Variants in PRR5 observed in about 807,000 individuals in gnomAD.
PRR5 encodes proline rich 5.
In PRR5, 25 loss-of-function variants were observed where a neutral mutation model predicts 30.6. The observed-to-expected ratio is 0.82, with a 90% CI of 0.60 to 1.14. The LOEUF (loss-of-function observed/expected upper bound fraction) is 1.14, where lower values mean the gene tolerates loss of function less well. Ranked by LOEUF, PRR5 falls within the 50% of genes most tolerant of loss-of-function variation. The probability of loss-of-function intolerance (pLI) is 0.00; values close to 1 mark genes in which losing one functional copy is unlikely to be tolerated. For synonymous variants in PRR5, 286 were observed against 247.1 expected, an observed-to-expected ratio of 1.16 and a Z score of -1.48; for missense variants, 600 against 547.1, an observed-to-expected ratio of 1.10 and a Z score of -0.96.
Position 44,696,335 on chromosome 22 carries a change from C to T in PRR5, c.-10-6157C>T, listed in dbSNP as rs12168779. On this transcript the variant is annotated intron_variant, in intron 1 of 8. Coordinates refer to the PRR5 transcript ENST00000006251. ...ATCCTCGAGCTTGGACAGTCACCTC[C>T]TTATACCACAGAGGCACCTATTGAG... Among the ~76,000 whole-genome samples, 906 of 152,280 alleles carry T rather than the reference C, an allele frequency of 5.9e-3. 9 individuals carry two copies. Among genetic ancestry groups the T allele is most frequent in the African/African-American group, 0.021 (855 of 41,570 alleles).
chr22:44,733,384 C>T (rs907542625), intron 6 of PRR5, among the ~76,000 whole-genome samples: 7 of 152,268 alleles, frequency 4.6e-5, no homozygotes, highest in Non-Finnish European at 8.8e-5. Context: ...AGCTTCACCC[C>T]GGCTCTCGCA....
At chr22:44,697,816 A>C (rs1413283979), upstream of PRR5, among the ~76,000 whole-genome samples, 2 of 152,150 alleles carry the variant, frequency 1.3e-5, no homozygotes, top group Non-Finnish European at 2.9e-5. Context: ...TCTGTCTGTA[A>C]AATGGGACTG....
At chr22:44,673,115 G>A (rs976707708), upstream of PRR5, among the ~76,000 whole-genome samples, 2 of 152,210 alleles carry the variant, frequency 1.3e-5, no homozygotes, top group Non-Finnish European at 2.9e-5. Context: ...AGTTTCCCCA[G>A]CAAAAGCAAT....
At position 44,734,874 on chromosome 22, in the gene PRR5, C is replaced by T. The variant is rs553648334; in HGVS notation, c.556-153C>T. 11 of 1,093,402 alleles carry T rather than the reference C, an allele frequency of 1.0e-5. No homozygotes were observed. The South Asian group carries it at 1.5e-4, about 15-fold the overall frequency. 67.7% of individuals were successfully genotyped at this position (1,093,402 alleles called of 1,614,324 possible). A position where few individuals can be genotyped will look rare whatever the true frequency, so the allele number is the denominator to read the frequency against. On this transcript the variant is annotated intron_variant, in intron 6 of 7. Coordinates refer to ENST00000336985, the MANE Select transcript of PRR5 (RefSeq NM_181333.4). ...TGCTCTGAGAGGGGCTGGGAGGCCA[C>T]CGTGGGCCCTGCCATGGGGACAGAG...
chr22:44,716,020 A>T (rs1417648736), intron 2 of PRR5, among the ~76,000 whole-genome samples: 6 of 152,188 alleles, frequency 3.9e-5, no homozygotes, highest in African/African-American at 1.4e-4. Flanking sequence ...CACAGTCCCC[A>T]GCTTTGGACA....
chr22:44,733,149 C>T (rs1030703128), intron 6 of PRR5, among the ~76,000 whole-genome samples: 6 of 152,254 alleles, frequency 3.9e-5, no homozygotes, highest in Non-Finnish European at 7.3e-5. Context: ...GTTAGCCCCC[C>T]TCACAGCAGG....
In PRR5 at chr22:44,679,576, G is replaced by A. The variant is rs192552372; in HGVS notation, c.-11+2336G>A. ...AAAAAAATTAGCTAGGCATTGTGGCGCATGCCTGTAATCCCGGCTACTCGG... is the reference window on the plus strand; with the variant it reads ...AAAAAAATTAGCTAGGCATTGTGGCACATGCCTGTAATCCCGGCTACTCGG... On this transcript the variant is annotated intron_variant, in intron 1 of 8. Coordinates refer to the PRR5 transcript ENST00000006251. 6.4e-3 allele frequency: 2,662 copies of A among 413,858 alleles called. 14 individuals are homozygous for A. The highest frequency in any genetic ancestry group is 8.7e-3 in the Non-Finnish European group (1,956 of 224,304). 25.6% of individuals were successfully genotyped at this position (413,858 alleles called of 1,614,324 possible).
intron 1 of PRR5, among the ~76,000 whole-genome samples, chr22:44,711,486 A>AG (rs140543181): frequency 0.049 from 7,384 of 152,150 alleles, 189 homozygotes; most frequent in South Asian, 0.087. Flanking sequence ...CCCATGGTGT[A>AG]GGGTCACCTC....
intron 2 of PRR5, among the ~76,000 whole-genome samples, chr22:44,715,924 C>T (rs756574270): frequency 4.6e-5 from 7 of 152,242 alleles, no homozygotes; most frequent in African/African-American, 1.4e-4. Context: ...GTTAGAATTA[C>T]AGGTGTGAGC....
intron 1 of PRR5, among the ~76,000 whole-genome samples, chr22:44,694,167 G>A (rs1361869567): frequency 6.6e-6 from 1 of 152,162 alleles, no homozygotes; most frequent in South Asian, 2.1e-4. Flanking sequence ...AGGAAGCTTC[G>A]AGGGACAGGC....
chr22:44,670,999 C>T (rs1199141910), intron 1 of PRR5, among the ~76,000 whole-genome samples: 1 of 152,186 alleles, frequency 6.6e-6, no homozygotes, highest in Non-Finnish European at 1.5e-5. Context: ...CATTCATTTA[C>T]TCATTCATGA....
intron 1 of PRR5, among the ~76,000 whole-genome samples, chr22:44,688,078 G>A (rs554408437): frequency 2.7e-5 from 4 of 150,708 alleles, no homozygotes; most frequent in Admixed American, 2.0e-4. Flanking sequence ...CCCGGCCTGA[G>A]TTTCTAGTTT....
At position 44,736,809 on chromosome 22, in the gene PRR5, G is replaced by A. The variant is rs773421976; in HGVS notation, c.729G>A (p.Val243=). 6.3e-6 allele frequency: 10 copies of A among 1,576,314 alleles called. No homozygotes were observed. The highest frequency in any genetic ancestry group is 7.8e-6 in the Non-Finnish European group (9 of 1,154,380). ...RLLRRSRSGD[V]LAKNPVVRSK... ...TCCGCCGCTCCCGCTCGGGGGACGT[G>A]CTGGCCAAGAACCCTGTGGTGCGCT... Residue 243 remains valine, a synonymous_variant, in exon 8 of 8, where the codon GTG becomes GTA. Coordinates refer to ENST00000336985, the MANE Select transcript of PRR5 (RefSeq NM_181333.4).
upstream of PRR5, among the ~76,000 whole-genome samples, chr22:44,672,313 G>T (rs1435243923): frequency 6.6e-6 from 1 of 152,184 alleles, no homozygotes; most frequent in Non-Finnish European, 1.5e-5. Flanking sequence ...GGCCGGGCAC[G>T]GTGGCTCATC....
At chr22:44,711,596 G>T (rs984018075) in intron 1 of PRR5, among the ~76,000 whole-genome samples, 2 of 152,148 alleles carry the variant, frequency 1.3e-5, no homozygotes, top group Non-Finnish European at 2.9e-5. Flanking sequence ...CAGCAGGGCT[G>T]AAGCCTGGGG....
chr22:44,685,978 G>A (rs968010560), intron 1 of PRR5, among the ~76,000 whole-genome samples: 10 of 151,890 alleles, frequency 6.6e-5, no homozygotes, highest in African/African-American at 1.5e-4. Flanking sequence ...ATTGGGGCCC[G>A]GCATGGTGGC....
chr22:44,731,041 T>TG, intron 4 of PRR5: 1 of 302,864 alleles, frequency 3.3e-6, no homozygotes, highest in Admixed American at 4.0e-5. Flanking sequence ...GCAGATAGTG[T>TG]GGGGGAAGGA....
At chr22:44,727,876 G>A (rs1235349949) in intron 4 of PRR5, among the ~76,000 whole-genome samples, 1 of 152,238 alleles carries the variant, frequency 6.6e-6, no homozygotes, top group African/African-American at 2.4e-5. Context: ...CAGACCGTCG[G>A]GGAGACATGG....
intron 6 of PRR5, among the ~76,000 whole-genome samples, chr22:44,733,268 C>T (rs577222809): frequency 1.5e-4 from 23 of 152,362 alleles, no homozygotes; most frequent in South Asian, 8.3e-4. Context: ...TGCAGTTGGC[C>T]GGCTCATCAC....
Sources: gnomAD v4.1 joint callset for allele counts (sites outside exome capture counted in the v4.1 genomes callset) on GRCh38, gnomAD v4.1.1 for gene constraint, MANE v1.5 for transcripts, NCBI Gene and HGNC (gene_info 2026-07-23, HGNC 2026-07-21) for gene names.